Variants in KIF26B observed in about 807,000 individuals in gnomAD.
KIF26B encodes the protein kinesin-like protein KIF26B.
A neutral mutation model predicts 151.2 loss-of-function variants in KIF26B; 63 were observed. The ratio of observed to expected loss-of-function variants is 0.42; its 90% confidence interval spans 0.34 to 0.51. The LOEUF is 0.51. KIF26B is among the 20% of genes least tolerant of loss of function. KIF26B has a pLI of 0.07. For missense variants in KIF26B, 2,813 were observed against 2,913.6 expected, an observed-to-expected ratio of 0.97 and a Z score of 0.79; for synonymous variants, 1,357 against 1,262.1, an observed-to-expected ratio of 1.08 and a Z score of -1.59.
chr1:245,276,260 G>A (rs181257174), intron 2 of KIF26B, among the ~76,000 whole-genome samples: 3 of 151,972 alleles, frequency 2.0e-5, no homozygotes, highest in African/African-American at 7.2e-5. Flanking sequence ...ACTTGAACTC[G>A]AGAGGCAGAG....
Position 245,698,865 on chromosome 1 carries a change from C to T in KIF26B, c.6028-22C>T. ...CTGGGTGTGAGCAGAAGGGCCCTTT[C>T]TCCTCTCTGTCTGTGTGCTAGGAGG... On this transcript the variant is annotated intron_variant, in intron 13 of 14. Coordinates refer to ENST00000407071, the MANE Select transcript of KIF26B (RefSeq NM_018012.4). The surrounding 1 kb of genome is among the most constrained non-coding windows in gnomAD (Gnocchi z 4.0). The T allele has an allele frequency of 1.2e-6, 2 of 1,607,590 alleles. 1 individual carries two copies. The highest frequency in any genetic ancestry group is 2.2e-5 in the South Asian group (2 of 90,320).
In KIF26B at chr1:245,646,292, T is replaced by G; in HGVS notation, c.2258+12T>G. ...CACATTCCATACAAGTAAGTGACTC[T>G]TCTACTCAAAGAATGTGGTGGGGTA... On this transcript the variant is annotated intron_variant, in intron 10 of 14. Transcript: ENST00000407071. 1 of 1,612,724 alleles carries G rather than the reference T, an allele frequency of 6.2e-7. No homozygotes were observed. The highest frequency in any genetic ancestry group is 8.5e-7 in the Non-Finnish European group (1 of 1,179,362).
In KIF26B at chr1:245,688,634, G is replaced by C. The variant is rs1010680724; in HGVS notation, c.5651G>C (p.Gly1884Ala). 1 of 1,600,944 alleles carries C rather than the reference G, an allele frequency of 6.2e-7. No homozygotes were observed. Among genetic ancestry groups the C allele is most frequent in the African/African-American group, 1.3e-5 (1 of 74,690 alleles). ...VLSGELPPAM[G>A]KTALFYHSGG... is the part of the protein sequence containing the mutation. ...AGCGGGGAGCTCCCGCCGGCCATGGGGAAGACGGCCCTGTTCTACCACAGC... is the reference window on the plus strand; with the variant it reads ...AGCGGGGAGCTCCCGCCGGCCATGGCGAAGACGGCCCTGTTCTACCACAGC... The change falls in exon 12 of 15, where the codon GGG (glycine) becomes GCG (alanine). Residue 1884 changes from glycine (G) to alanine (A), a missense_variant. Coordinates refer to ENST00000407071, the MANE Select transcript of KIF26B (RefSeq NM_018012.4).
Position 245,385,385 on chromosome 1 carries a change from G to A in KIF26B, c.999+18018G>A, listed in dbSNP as rs140088414. ...AACTAGTCATTAAATGTTTTATAAG[G>A]TATATATGCTATTAGTATAATCTCT... On this transcript the variant is annotated intron_variant, in intron 3 of 14. Coordinates refer to ENST00000407071, the MANE Select transcript of KIF26B (RefSeq NM_018012.4). 9.2e-5 allele frequency among the ~76,000 whole-genome samples: 14 copies of A among 152,272 alleles called. No homozygotes were observed. The East Asian group carries it at 2.7e-3, about 29-fold the overall frequency.
chr1:245,485,785 G>A (rs57961705), intron 4 of KIF26B, among the ~76,000 whole-genome samples: 23,245 of 152,198 alleles, frequency 0.15, 3,743 homozygotes, highest in African/African-American at 0.41. Flanking sequence ...TGTGATCCCA[G>A]AGCCTGCAGG....
intron 4 of KIF26B, among the ~76,000 whole-genome samples, chr1:245,532,525 G>A (rs1407370028): frequency 3.3e-5 from 5 of 152,058 alleles, no homozygotes; most frequent in African/African-American, 9.7e-5. Flanking sequence ...GATTACAGGC[G>A]TGAGGGGAAA....
chr1:245,631,691 T>C (rs2043783121), intron 9 of KIF26B, among the ~76,000 whole-genome samples: 1 of 152,198 alleles, frequency 6.6e-6, no homozygotes, highest in Non-Finnish European at 1.5e-5. Flanking sequence ...TCCTTAATTC[T>C]ACTGAACTTT....
At chr1:245,604,532 G>A (rs12401628) in intron 6 of KIF26B, among the ~76,000 whole-genome samples, 22,080 of 152,188 alleles carry the variant, frequency 0.15, 2,044 homozygotes, top group Admixed American at 0.29. Flanking sequence ...TAAACCTGAC[G>A]TTTGGTCTAA....
intron 10 of KIF26B, among the ~76,000 whole-genome samples, chr1:245,653,539 C>G (rs2044041777): frequency 6.6e-6 from 1 of 152,104 alleles, no homozygotes; most frequent in Non-Finnish European, 1.5e-5. Flanking sequence ...GTACTGTAAT[C>G]ATACTAGTAT....
At chr1:245,407,641 A>C (rs1000014882) in intron 3 of KIF26B, among the ~76,000 whole-genome samples, 4 of 152,232 alleles carry the variant, frequency 2.6e-5, no homozygotes, top group African/African-American at 7.2e-5. Flanking sequence ...AGTGAAAACA[A>C]AGTTTTATCC....
At chr1:245,387,598 C>T (rs1327402956) in intron 3 of KIF26B, among the ~76,000 whole-genome samples, 2 of 151,990 alleles carry the variant, frequency 1.3e-5, no homozygotes, top group East Asian at 1.9e-4. Context: ...GAGGCTGGGG[C>T]GGGAGGATCG....
In KIF26B at chr1:245,372,368, T is replaced by G. The variant is rs530224348; in HGVS notation, c.999+5001T>G. Among the ~76,000 whole-genome samples, 6 of 152,334 alleles carry G rather than the reference T, an allele frequency of 3.9e-5. 1 individual carries two copies. The highest frequency in any genetic ancestry group is 3.9e-4 in the Admixed American group (6 of 15,304). On this transcript the variant is annotated intron_variant, in intron 3 of 14. Transcript: ENST00000407071. ...TGCTCTAGAATCTTCATCTTTTTTC[T>G]TCCAACTTTTATTTCTGGTTTGGGG...
chr1:245,632,695 C>T (rs1243465826), intron 9 of KIF26B, among the ~76,000 whole-genome samples: 2 of 152,152 alleles, frequency 1.3e-5, no homozygotes, highest in Non-Finnish European at 2.9e-5. Context: ...ATCACTTGAG[C>T]TCAGGAGTTT....
In KIF26B at chr1:245,538,314, A is replaced by G. The variant is rs78617980; in HGVS notation, c.1167-2453A>G. 3.9e-5 allele frequency among the ~76,000 whole-genome samples: 6 copies of G among 152,306 alleles called. No homozygotes were observed. In the East Asian group the frequency reaches 9.6e-4, roughly 24 times the overall value. ...GTTTTGCGGCCAAGATGGGCAAGGA[A>G]GTAGAACAGTAGCTGGCTGGGGAAG... On this transcript the variant is annotated intron_variant, in intron 4 of 14. Coordinates refer to ENST00000407071, the MANE Select transcript of KIF26B (RefSeq NM_018012.4).
Position 245,597,596 on chromosome 1 carries a change from G to A in KIF26B, c.1351-4981G>A, listed in dbSNP as rs1285555021. On this transcript the variant is annotated intron_variant, in intron 5 of 14. Transcript: ENST00000407071. The surrounding 1 kb of genome is among the most constrained non-coding windows in gnomAD (Gnocchi z 4.6). ...TCATTTCAACCTTGGTGAATCTGAC[G>A]ATTTTGTGTCTTGGGGTTGCTCTTC... 7.9e-5 allele frequency among the ~76,000 whole-genome samples: 12 copies of A among 152,062 alleles called. No individual in the cohort carries two copies. The highest frequency in any genetic ancestry group is 7.2e-4 in the Admixed American group (11 of 15,270).
chr1:245,384,642 C>G (rs1396607974), intron 3 of KIF26B, among the ~76,000 whole-genome samples: 1 of 152,198 alleles, frequency 6.6e-6, no homozygotes, highest in Non-Finnish European at 1.5e-5. Flanking sequence ...ACAGACAGTA[C>G]CTCACCACCT....
chr1:245,479,699 A>G (rs1391774865), intron 4 of KIF26B, among the ~76,000 whole-genome samples: 1 of 151,916 alleles, frequency 6.6e-6, no homozygotes, highest in African/African-American at 2.4e-5. Flanking sequence ...TTCTTCATAC[A>G]GATTAAGAAG....
rs879260509 is a variant in KIF26B, at chr1:245,169,362, T to TGTGTGTGTGC, written c.465+12680_465+12681insTGTGTGTGCG. On this transcript the variant is annotated intron_variant, in intron 2 of 14. Transcript: ENST00000407071. Reference sequence around the variant, plus strand: ...GTGTGTGTGTGTGTGTGTGTGTGTGTGCGCGCAAGCACTTTGTGGAGGCCC... The same window carrying TGTGTGTGTGC: ...GTGTGTGTGTGTGTGTGTGTGTGTGTGTGTGTGTGCGCGCGCAAGCACTTTGTGGAGGCCC... Among the ~76,000 whole-genome samples the TGTGTGTGTGC allele has an allele frequency of 6.3e-3, 951 of 151,040 alleles. 3 individuals carry two copies. Among genetic ancestry groups the TGTGTGTGTGC allele is most frequent in the African/African-American group, 9.8e-3 (397 of 40,658 alleles).
intron 5 of KIF26B, among the ~76,000 whole-genome samples, chr1:245,573,291 A>G (rs2043083279): frequency 6.6e-6 from 1 of 152,206 alleles, no homozygotes; most frequent in African/African-American, 2.4e-5. Flanking sequence ...TTGGAGGCCA[A>G]CGCGGGTGGA....
Sources: allele counts gnomAD v4.1 joint callset (sites outside exome capture counted in the v4.1 genomes callset), GRCh38; gene constraint gnomAD v4.1.1; non-coding constraint Gnocchi (gnomAD v3.1); transcripts MANE v1.5; gene names NCBI Gene and HGNC (gene_info 2026-07-23, HGNC 2026-07-21).